MTCL2: variants seen among roughly 807,000 people sequenced by gnomAD.
MTCL2 encodes microtubule crosslinking factor 2.
the MTCL2 span, chr20:36,828,881 C>T: frequency 1.5e-6 from 1 of 675,252 alleles, no homozygotes; most frequent in Non-Finnish European, 2.4e-6. Flanking sequence ...ACAATTTACA[C>T]AGTAGGTGCT....
the MTCL2 span, among the ~76,000 whole-genome samples, chr20:36,847,294 C>T: frequency 2.6e-5 from 4 of 152,212 alleles, no homozygotes; most frequent in Admixed American, 6.5e-5. Flanking sequence ...TCTGCTAGAA[C>T]GGCCTTTGCC....
the MTCL2 span, among the ~76,000 whole-genome samples, chr20:36,790,313 A>G: frequency 6.6e-6 from 1 of 151,124 alleles, no homozygotes; most frequent in African/African-American, 2.4e-5. Context: ...TTTTAAGTAG[A>G]GACAGGGTTT....
the MTCL2 span, chr20:36,786,009 T>G: frequency 1.0e-6 from 1 of 986,362 alleles, no homozygotes; most frequent in Non-Finnish European, 1.2e-6. Flanking sequence ...GAACCAAACA[T>G]GGAGCCCTAG....
At chr20:36,839,584 T>C in the MTCL2 span, 1 of 681,282 alleles carries the variant, frequency 1.5e-6, no homozygotes, top group Non-Finnish European at 2.5e-6. This position sits in a 1 kb window ranked among gnomAD's most constrained non-coding sequence, Gnocchi z 5.1. Context: ...AAGACGTCCA[T>C]GTTCACATTC....
chr20:36,785,828 C>T, the MTCL2 span: 1 of 985,628 alleles, frequency 1.0e-6, no homozygotes, highest in South Asian at 4.7e-5. Flanking sequence ...GCTCTTGCTG[C>T]ATCCAGGCTA....
At chr20:36,860,247 T>C in the MTCL2 span, among the ~76,000 whole-genome samples, 2 of 152,150 alleles carry the variant, frequency 1.3e-5, no homozygotes, top group African/African-American at 2.4e-5. Flanking sequence ...CCTCACTCAG[T>C]TGGCTCCACG....
chr20:36,863,059 G>A, the MTCL2 span: 4 of 1,407,328 alleles, frequency 2.8e-6, no homozygotes, highest in South Asian at 2.7e-5. The surrounding 1 kb of genome is among the most constrained non-coding windows in gnomAD (Gnocchi z 6.2). Context: ...CCCTTGGCAC[G>A]GACCCCGGTG....
chr20:36,847,092 C>T, the MTCL2 span, among the ~76,000 whole-genome samples: 2 of 152,324 alleles, frequency 1.3e-5, no homozygotes, highest in South Asian at 2.1e-4. Flanking sequence ...TATCAGTTGA[C>T]AGTTTAATCC....
chr20:36,791,508 A>G, the MTCL2 span, among the ~76,000 whole-genome samples: 2 of 152,188 alleles, frequency 1.3e-5, no homozygotes, highest in African/African-American at 4.8e-5. Context: ...GTTTGAGTCT[A>G]TCACAGCCCA....
At chr20:36,804,934 G>A in the MTCL2 span, 1 of 1,597,400 alleles carries the variant, frequency 6.3e-7, no homozygotes, top group Non-Finnish European at 8.6e-7. Flanking sequence ...TGAGTCAAGA[G>A]CCTCTGTGGG....
At chr20:36,856,362 T>C in the MTCL2 span, among the ~76,000 whole-genome samples, 1 of 152,156 alleles carries the variant, frequency 6.6e-6, no homozygotes, top group African/African-American at 2.4e-5. Context: ...GCCTCCATCA[T>C]TCCCCAGCCA....
chr20:36,821,748 C>T, the MTCL2 span, among the ~76,000 whole-genome samples: 1 of 152,108 alleles, frequency 6.6e-6, no homozygotes, highest in Non-Finnish European at 1.5e-5. Flanking sequence ...TTCACGTTTA[C>T]ATTTAAATAC....
chr20:36,862,651 C>T, the MTCL2 span: 1 of 1,493,192 alleles, frequency 6.7e-7, no homozygotes, highest in Non-Finnish European at 8.9e-7. Context: ...TACCCGGGCG[C>T]CCCCACCTTG....
chr20:36,823,446 C>G, the MTCL2 span, among the ~76,000 whole-genome samples: 4 of 152,152 alleles, frequency 2.6e-5, no homozygotes, highest in Admixed American at 2.0e-4. Flanking sequence ...GTGTTAAGCA[C>G]TTTACTTGCT....
chr20:36,831,027 T>C, the MTCL2 span, among the ~76,000 whole-genome samples: 2 of 152,188 alleles, frequency 1.3e-5, no homozygotes, highest in Non-Finnish European at 2.9e-5. Context: ...CAATCTCTGA[T>C]CCTGGTCCAG....
the MTCL2 span, chr20:36,784,922 T>C: frequency 1.0e-6 from 1 of 985,406 alleles, no homozygotes; most frequent in Non-Finnish European, 1.2e-6. Flanking sequence ...TGAGTTCTCA[T>C]TTGGGAAACT....
the MTCL2 span, chr20:36,802,816 C>G: frequency 1.3e-6 from 2 of 1,565,102 alleles, no homozygotes; most frequent in Admixed American, 1.8e-5. Context: ...TAGCAACTCT[C>G]CCTTGCGGGT....
At chr20:36,846,877 G>C in the MTCL2 span, among the ~76,000 whole-genome samples, 1 of 152,318 alleles carries the variant, frequency 6.6e-6, no homozygotes, top group East Asian at 1.9e-4. Context: ...AGGCTTGGTG[G>C]CGTGTGCCTG....
At chr20:36,797,490 C>A in the MTCL2 span, 1 of 1,552,814 alleles carries the variant, frequency 6.4e-7, no homozygotes, top group Non-Finnish European at 8.7e-7. Flanking sequence ...TGGCAGCAGC[C>A]GCCCCACTCA....
Sources: gnomAD v4.1 joint callset for allele counts (sites outside exome capture counted in the v4.1 genomes callset) on GRCh38, gnomAD v4.1.1 for gene constraint, Gnocchi (gnomAD v3.1) non-coding constraint, MANE v1.5 for transcripts, NCBI Gene and HGNC (gene_info 2026-07-23, HGNC 2026-07-21) for gene names.